ZBED6: variants seen among roughly 807,000 people sequenced by gnomAD.
ZBED6 encodes the protein zinc finger BED domain-containing protein 6.
In ZBED6, 40 loss-of-function variants were observed where a neutral mutation model predicts 58.4. The ratio of observed to expected loss-of-function variants is 0.68; its 90% CI spans 0.53 to 0.89. The LOEUF (loss-of-function observed/expected upper bound fraction) is 0.89. Ranked by LOEUF, ZBED6 falls within the 40% of genes least tolerant of loss-of-function variation. The pLI is 0.00. For synonymous variants in ZBED6, 439 were observed against 350.6 expected, an observed-to-expected ratio of 1.25 and a Z score of -2.82; for missense variants, 1,057 against 1,003.9, an observed-to-expected ratio of 1.05 and a Z score of -0.71.
intron 1 of ZBED6, among the ~76,000 whole-genome samples, 157 bp downstream of exon 1, chr1:203,803,173 CAT>C (rs1209590085): frequency 2.0e-5 from 3 of 151,998 alleles, no homozygotes; most frequent in Non-Finnish European, 2.9e-5. Flanking sequence ...GGGATGGAAA[CAT>C]ATTTTTTTCT....
rs1363459858 is a variant in ZBED6, at chr1:203,819,315, A to T, written c.*2873+626A>T. Among the ~76,000 whole-genome samples, 5 of 143,866 alleles carry T rather than the reference A, an allele frequency of 3.5e-5. No individual in the cohort carries two copies. The South Asian group carries it at 6.6e-4, about 19-fold the overall frequency. 94.4% of individuals were successfully genotyped at this position (143,866 alleles called of 152,430 possible). A position where few individuals can be genotyped will look rare whatever the true frequency, so the allele number is the denominator to read the frequency against. ...CTGCTTACTGCAACCTCCACCTCCC[A>T]GGTTCAAGCGATTCTCCTGCCTCAG... is the stretch of plus-strand genomic sequence containing the variant. On this transcript the variant is annotated intron_variant, in intron 3 of 16. Coordinates refer to ENST00000550078, the Ensembl canonical transcript of ZBED6.
intron 9 of ZBED6, among the ~76,000 whole-genome samples, chr1:203,834,783 G>A (rs1024541198): frequency 2.6e-5 from 4 of 152,070 alleles, no homozygotes; most frequent in African/African-American, 9.7e-5. Flanking sequence ...TCAAGTAGCT[G>A]GGATTACAGG....
Position 203,837,961 on chromosome 1 carries a change from T to C in ZBED6, c.*3574-5T>C, listed in dbSNP as rs934602371. ...AATCTTAAACTAAGTTCTCCCTCTTTATAGGCGGTGACAGTGATCCTCCAT... is the reference window on the plus strand; with the variant it reads ...AATCTTAAACTAAGTTCTCCCTCTTCATAGGCGGTGACAGTGATCCTCCAT... On this transcript the variant is annotated splice_polypyrimidine_tract_variant and splice_region_variant and intron_variant, in intron 9 of 16. Transcript: ENST00000550078. 5.0e-6 allele frequency: 8 copies of C among 1,607,120 alleles called. No homozygotes were observed. The highest frequency in any genetic ancestry group is 6.8e-6 in the Non-Finnish European group (8 of 1,178,174).
chr1:203,820,953 C>T (rs544571501), intron 3 of ZBED6, among the ~76,000 whole-genome samples: 2 of 152,020 alleles, frequency 1.3e-5, no homozygotes, highest in East Asian at 1.9e-4. Context: ...CCCTTTACCC[C>T]GTTTCTCATC....
At position 203,848,413 on chromosome 1, in the gene ZBED6, T is replaced by C; in HGVS notation, c.*4322+6T>C. The C allele has an allele frequency of 2.5e-6, 4 of 1,601,332 alleles. No homozygotes were observed. Among genetic ancestry groups the C allele is most frequent in the Non-Finnish European group, 3.4e-6 (4 of 1,174,156 alleles). ...TTAGAACAGAAGCTAAAGAGGTAAA[T>C]TTAAGATTATTGTATGGTTTTGTTC... On this transcript the variant is annotated splice_donor_region_variant and intron_variant, in intron 13 of 16. Transcript: ENST00000550078.
intron 1 of ZBED6, among the ~76,000 whole-genome samples, chr1:203,812,763 G>A (rs189784204): frequency 6.6e-6 from 1 of 151,822 alleles, no homozygotes; most frequent in Admixed American, 6.6e-5. Context: ...TGTATTTTTA[G>A]TAGAGATGGG....
chr1:203,831,167 C>T (rs115854809), intron 7 of ZBED6, among the ~76,000 whole-genome samples: 3,697 of 151,868 alleles, frequency 0.024, 59 homozygotes, highest in South Asian at 0.042. Context: ...TGGTCTCGAA[C>T]TCCCAACCTC....
intron 16 of ZBED6, among the ~76,000 whole-genome samples, chr1:203,851,924 G>A (rs1349444049): frequency 1.7e-5 from 2 of 117,028 alleles, no homozygotes; most frequent in African/African-American, 6.6e-5. Context: ...AGCCATGATT[G>A]TACCACTACA....
At chr1:203,851,835 GAC>G (rs1689354060) in intron 16 of ZBED6, among the ~76,000 whole-genome samples, 1 of 151,562 alleles carries the variant, frequency 6.6e-6, no homozygotes, top group Admixed American at 6.6e-5. Context: ...ATCACATGGT[GAC>G]ACACACCTGT....
Position 203,797,591 on chromosome 1 carries a change from T to TGATTCTGG in ZBED6, c.81_88dup (p.Cys30PhefsTer17). The TGATTCTGG allele has an allele frequency of 6.5e-7, 1 of 1,534,416 alleles. No homozygotes were observed. Among genetic ancestry groups the TGATTCTGG allele is most frequent in the East Asian group, 2.4e-5 (1 of 40,902 alleles). On this transcript the variant is annotated frameshift_variant, in exon 1 of 17. Transcript: ENST00000550078. LOFTEE classifies it high-confidence loss of function. ...CTGGCAGAAGATGCAACACTTTTAGTGATTCTGGGATTCTGGGATGTGTTC... is the reference window on the plus strand; with the variant it reads ...CTGGCAGAAGATGCAACACTTTTAGTGATTCTGGGATTCTGGGATTCTGGGATGTGTTC...
At chr1:203,797,328 G>C in exon 1 of ZBED6, 1 of 501,080 alleles carries the variant, frequency 2.0e-6, no homozygotes, top group Non-Finnish European at 3.4e-6. Flanking sequence ...CTAAGAAAGA[G>C]TTCGGGAATG....
At chr1:203,800,590 A>C (rs756915698) in exon 1 of ZBED6, 2 of 779,172 alleles carry the variant, frequency 2.6e-6, no homozygotes, top group Non-Finnish European at 3.7e-6. Context: ...ACAAGGGCTG[A>C]AAATTCCTCA....
chr1:203,821,135 A>G (rs893631735), intron 3 of ZBED6, among the ~76,000 whole-genome samples: 3 of 152,140 alleles, frequency 2.0e-5, no homozygotes, highest in African/African-American at 7.2e-5. Context: ...CGCTATTCTC[A>G]TGATAGTGAG....
chr1:203,852,097 A>G (rs773569106), intron 16 of ZBED6, 44 bp from the exon 17 acceptor site: 1 of 1,609,336 alleles, frequency 6.2e-7, no homozygotes, highest in Non-Finnish European at 8.5e-7. Context: ...TCAGCCAACT[A>G]TTTTTAAAAC....
intron 6 of ZBED6, 69 bp from the exon 7 acceptor site, chr1:203,830,054 C>T (rs1444594523): frequency 7.3e-7 from 1 of 1,374,390 alleles, no homozygotes; most frequent in Non-Finnish European, 1.0e-6. Flanking sequence ...TAAATGCCTG[C>T]TATGTACAGA....
exon 1 of ZBED6, chr1:203,801,755 G>A (rs1670596497): frequency 6.6e-6 from 1 of 151,818 alleles, no homozygotes; most frequent in African/African-American, 2.4e-5. Context: ...CTTTGTTACT[G>A]GGCTGGTTTC....
chr1:203,803,747 A>C (rs1017645420), intron 1 of ZBED6, among the ~76,000 whole-genome samples: 8 of 152,140 alleles, frequency 5.3e-5, no homozygotes, highest in African/African-American at 1.9e-4. Flanking sequence ...CTGGAACTAC[A>C]GGTGTGCCCC....
exon 7 of ZBED6, chr1:203,830,136 T>C: frequency 6.3e-7 from 1 of 1,595,572 alleles, no homozygotes; most frequent in Non-Finnish European, 8.5e-7. Flanking sequence ...AATGTTTGAA[T>C]TTTGGAATAA....
exon 1 of ZBED6, chr1:203,798,543 G>C: frequency 5.2e-6 from 8 of 1,536,142 alleles, no homozygotes; most frequent in Non-Finnish European, 7.0e-6. Context: ...TGAGAGAAGT[G>C]ATCTCTTGAG....
Sources: gnomAD v4.1 joint callset for allele counts (sites outside exome capture counted in the v4.1 genomes callset) on GRCh38, gnomAD v4.1.1 for gene constraint, MANE v1.5 for transcripts, NCBI Gene and HGNC (gene_info 2026-07-23, HGNC 2026-07-21) for gene names.